EPHA6: variants seen among roughly 807,000 people sequenced by gnomAD.
The protein encoded by EPHA6 is EPH receptor A6.
A neutral mutation model predicts 112.0 loss-of-function variants in EPHA6; 50 were observed. That is an observed-to-expected ratio of 0.45 (90% CI 0.36 to 0.56). EPHA6 has a LOEUF of 0.56. Ranked by LOEUF, EPHA6 falls within the 20% of genes least tolerant of loss-of-function variation. The probability of loss-of-function intolerance (pLI) is 0.00; values close to 1 mark genes in which losing one functional copy is unlikely to be tolerated. For synonymous variants in EPHA6, 529 were observed against 490.7 expected, an observed-to-expected ratio of 1.08 and a Z score of -1.03; for missense variants, 1,280 against 1,417.4, an observed-to-expected ratio of 0.90 and a Z score of 1.56.
intron 15 of EPHA6, among the ~76,000 whole-genome samples, chr3:97,723,732 T>A (rs2034632273): frequency 6.6e-6 from 1 of 152,176 alleles, no homozygotes; most frequent in African/African-American, 2.4e-5. Context: ...CTTGAGGTCC[T>A]CACATCAATT....
At chr3:97,646,227 C>G in intron 14 of EPHA6, 1 of 1,535,620 alleles carries the variant, frequency 6.5e-7, no homozygotes, top group Non-Finnish European at 8.7e-7. Context: ...TGGACTGGTC[C>G]TCATGTGGAA....
At chr3:97,213,281 C>T (rs2077930944) in intron 3 of EPHA6, among the ~76,000 whole-genome samples, 1 of 152,058 alleles carries the variant, frequency 6.6e-6, no homozygotes, top group Non-Finnish European at 1.5e-5. Context: ...GAGAGGAGGA[C>T]AGAGAGAAAA....
intron 1 of EPHA6, among the ~76,000 whole-genome samples, chr3:96,822,642 G>A (rs888161367): frequency 6.6e-6 from 1 of 150,918 alleles, no homozygotes; most frequent in Admixed American, 6.6e-5. Flanking sequence ...TGTAATGTTA[G>A]GTATCTATGT....
At chr3:97,205,992 G>A (rs140980862) in intron 3 of EPHA6, among the ~76,000 whole-genome samples, 70 of 152,146 alleles carry the variant, frequency 4.6e-4, no homozygotes, top group Non-Finnish European at 9.3e-4. Context: ...GGATTTGAAT[G>A]TAAGGCTTCT....
intron 7 of EPHA6, among the ~76,000 whole-genome samples, chr3:97,473,981 G>T (rs1376754142): frequency 1.3e-5 from 2 of 151,786 alleles, no homozygotes; most frequent in Non-Finnish European, 2.9e-5. Context: ...GAACATAAAT[G>T]ACTTCAACTC....
chr3:97,563,952 G>A (rs916463868), intron 11 of EPHA6, among the ~76,000 whole-genome samples: 1 of 152,090 alleles, frequency 6.6e-6, no homozygotes, highest in Non-Finnish European at 1.5e-5. Context: ...ACAAATATGA[G>A]TTTATACACA....
At chr3:97,144,771 A>C (rs2075998157) in intron 3 of EPHA6, among the ~76,000 whole-genome samples, 1 of 151,458 alleles carries the variant, frequency 6.6e-6, no homozygotes, top group East Asian at 1.9e-4. Context: ...TATTTTAATA[A>C]ATTTTTTCAT....
At chr3:97,501,413 G>A (rs1310462466) in intron 10 of EPHA6, among the ~76,000 whole-genome samples, 10 of 151,730 alleles carry the variant, frequency 6.6e-5, no homozygotes, top group Admixed American at 5.2e-4. Flanking sequence ...CATGTTCCAG[G>A]TCATAAAGAA....
chr3:97,728,592 A>T (rs1211815026), intron 15 of EPHA6, among the ~76,000 whole-genome samples: 4 of 152,126 alleles, frequency 2.6e-5, no homozygotes, highest in African/African-American at 9.7e-5. Context: ...AGATCTAGAG[A>T]TGTTACCAAA....
chr3:96,931,132 C>A (rs776660611), intron 2 of EPHA6, among the ~76,000 whole-genome samples: 19 of 151,810 alleles, frequency 1.3e-4, no homozygotes, highest in Middle Eastern at 6.8e-3. Flanking sequence ...GACTGAGGTA[C>A]CTGAACAACC....
At chr3:97,243,291 G>A (rs1242890472) in intron 4 of EPHA6, among the ~76,000 whole-genome samples, 1 of 151,770 alleles carries the variant, frequency 6.6e-6, no homozygotes, top group African/African-American at 2.4e-5. Flanking sequence ...ATCATTTCTT[G>A]TCAGTGGCCC....
At chr3:96,914,540 A>G (rs538839457) in intron 2 of EPHA6, among the ~76,000 whole-genome samples, 1 of 152,306 alleles carries the variant, frequency 6.6e-6, no homozygotes, top group East Asian at 1.9e-4. Flanking sequence ...TGTGTTTAAT[A>G]GAGACGAAGC....
intron 12 of EPHA6, among the ~76,000 whole-genome samples, chr3:97,594,992 TATC>T (rs773561581): frequency 6.6e-5 from 10 of 152,212 alleles, no homozygotes; most frequent in Non-Finnish European, 7.3e-5. Context: ...CTCAATTACT[TATC>T]ATAATCAAAT....
At position 97,042,699 on chromosome 3, in the gene EPHA6, G is replaced by T. The variant is rs539017107; in HGVS notation, c.1114+54706G>T. Among the ~76,000 whole-genome samples, 40 of 152,244 alleles carry T rather than the reference G, an allele frequency of 2.6e-4. 1 individual carries two copies. Among genetic ancestry groups the T allele is most frequent in the Admixed American group, 2.5e-3 (38 of 15,276 alleles). ...CCCTGCTTTCGCTATAGCAGGCAAG[G>T]TTACTCAGCAGGAGGGGCTGTGGAC... is the stretch of plus-strand genomic sequence containing the variant. On this transcript the variant is annotated intron_variant, in intron 3 of 17. Transcript: ENST00000389672.
intron 5 of EPHA6, among the ~76,000 whole-genome samples, chr3:97,332,044 A>G (rs1400718257): frequency 6.6e-6 from 1 of 152,176 alleles, no homozygotes; most frequent in Non-Finnish European, 1.5e-5. Context: ...CAGCACACCA[A>G]AAAGCTTATC....
At chr3:97,457,940 C>A (rs575676826) in intron 7 of EPHA6, among the ~76,000 whole-genome samples, 76 of 151,662 alleles carry the variant, frequency 5.0e-4, no homozygotes, top group Non-Finnish European at 8.3e-4. Context: ...TGGTAGCGGG[C>A]GCCAGTAGTC....
chr3:97,748,740 C>T lies in EPHA6; in HGVS notation c.*39C>T. On this transcript the variant is annotated 3_prime_UTR_variant, in exon 18 of 18. Transcript: ENST00000389672. ...ACCTGTGTTTTGTGCCTCAGCATTTCTAAAATGAACGATATCCTCTCTACT... is the reference window on the plus strand; with the variant it reads ...ACCTGTGTTTTGTGCCTCAGCATTTTTAAAATGAACGATATCCTCTCTACT... The T allele has an allele frequency of 6.7e-6, 7 of 1,040,444 alleles. No individual in the cohort carries two copies. The highest frequency in any genetic ancestry group is 1.1e-5 in the Non-Finnish European group (7 of 665,474). The allele number at this position is 1,040,444 out of a possible 1,614,324, so 64.5% of individuals were successfully genotyped here.
At position 97,721,511 on chromosome 3, in the gene EPHA6, T is replaced by C. The variant is rs375882938; in HGVS notation, c.2934+1101T>C. Among the ~76,000 whole-genome samples, 13 of 152,300 alleles carry C rather than the reference T, an allele frequency of 8.5e-5. No homozygotes were observed. The South Asian group carries it at 2.5e-3, about 29-fold the overall frequency. On this transcript the variant is annotated intron_variant, in intron 15 of 17. Coordinates refer to ENST00000389672, the MANE Select transcript of EPHA6 (RefSeq NM_001080448.3). ...GGGTGTCTACTGACTCTGTGGAAAATGCTAGGTCCAGAAGTTAACGTAGCA... is the reference window on the plus strand; with the variant it reads ...GGGTGTCTACTGACTCTGTGGAAAACGCTAGGTCCAGAAGTTAACGTAGCA...
At chr3:96,862,982 T>G (rs2036093167) in intron 1 of EPHA6, among the ~76,000 whole-genome samples, 1 of 152,006 alleles carries the variant, frequency 6.6e-6, no homozygotes, top group South Asian at 2.1e-4. Context: ...TAAAAGTTAA[T>G]AGGAAAATTG....
Sources: gnomAD v4.1 joint callset for allele counts (sites outside exome capture counted in the v4.1 genomes callset) on GRCh38, gnomAD v4.1.1 for gene constraint, MANE v1.5 for transcripts, NCBI Gene and HGNC (gene_info 2026-07-23, HGNC 2026-07-21) for gene names.